The following PSMD9 variants were observed in gnomAD, a reference collection of about 807,000 sequenced individuals.
PSMD9 encodes the protein 26S proteasome non-ATPase regulatory subunit 9.
PSMD9 carries 26 observed loss-of-function variants against 25.9 expected under a neutral mutation model. The ratio of observed to expected loss-of-function variants is 1.00; its 90% CI spans 0.73 to 1.39. The LOEUF (loss-of-function observed/expected upper bound fraction) is 1.39. Ranked by LOEUF, PSMD9 falls within the 40% of genes most tolerant of loss-of-function variation. The pLI, the probability that PSMD9 is intolerant of heterozygous loss-of-function variation, is 0.00. For missense variants in PSMD9, 303 were observed against 299.3 expected (o/e 1.01, Z -0.09); for synonymous variants, 110 against 114.5 (o/e 0.96, Z 0.25).
chr12:121,892,605 G>A (rs536561779), intron 1 of PSMD9, among the ~76,000 whole-genome samples: 1 of 152,226 alleles, frequency 6.6e-6, no homozygotes, highest in South Asian at 2.1e-4. Flanking sequence ...GGAGGCTGAG[G>A]CAGGAGAAGG....
At chr12:121,900,119 G>A (rs1292183263) in intron 3 of PSMD9, among the ~76,000 whole-genome samples, 1 of 152,178 alleles carries the variant, frequency 6.6e-6, no homozygotes, top group Admixed American at 6.6e-5. Context: ...GAGAGGGAGA[G>A]GATCTCTTCT....
At chr12:121,894,447 G>C in intron 1 of PSMD9, 1 of 314,550 alleles carries the variant, frequency 3.2e-6, no homozygotes. Context: ...GAAGAGGCTG[G>C]CCTTGGGGAT....
rs999526702 is a variant in PSMD9 at position 121,913,243 on chromosome 12, CT to C, written c.556-2604del. On this transcript the variant is annotated intron_variant, in intron 4 of 5. Coordinates refer to ENST00000541212, the MANE Select transcript of PSMD9 (RefSeq NM_002813.7). ...ACAGGCGTGAGCCACCGCGCCTGGC[CT>C]TTTTTTTTGTATTTTTAGTAGAGAC... Among the ~76,000 whole-genome samples, 150 of 150,098 alleles carry C rather than the reference CT, an allele frequency of 1.0e-3. 2 individuals carry two copies. Among genetic ancestry groups the C allele is most frequent in the African/African-American group, 3.4e-3 (140 of 40,944 alleles).
chr12:121,904,830 G>A (rs188104129), intron 4 of PSMD9, among the ~76,000 whole-genome samples: 3,218 of 150,618 alleles, frequency 0.021, 181 homozygotes, highest in African/African-American at 0.076. Flanking sequence ...GCTAATTTTT[G>A]TATTTTTAGT....
At chr12:121,896,486 G>C (rs752183662) in intron 2 of PSMD9, among the ~76,000 whole-genome samples, 1 of 150,910 alleles carries the variant, frequency 6.6e-6, no homozygotes, top group Non-Finnish European at 1.5e-5. Context: ...AAAAAAGAAA[G>C]AAAATCTATT....
intron 1 of PSMD9, 131 bp downstream of exon 1, chr12:121,889,125 T>G: frequency 8.5e-7 from 1 of 1,169,658 alleles, no homozygotes; most frequent in South Asian, 1.6e-5. Flanking sequence ...GCGCCGCAAG[T>G]GCGGCCTCTG....
In PSMD9 at chr12:121,888,936, T is replaced by C. The variant is rs1878971514; in HGVS notation, c.80T>C (p.Met27Thr). 1.3e-6 allele frequency: 2 copies of C among 1,594,178 alleles called. No homozygotes were observed. Among genetic ancestry groups the C allele is most frequent in the Admixed American group, 1.8e-5 (1 of 55,788 alleles). Reference protein sequence around the residue: ...VVTVSDVQELMRRKEEIEAQI... With the variant: ...VVTVSDVQELTRRKEEIEAQI... ...ACTGTCAGCGACGTCCAGGAGCTGA[T>C]GCGGCGCAAGGAGGAGATAGAAGCG... Residue 27 changes from methionine to threonine, a missense_variant, in exon 1 of 6, where the codon ATG becomes ACG. Coordinates refer to ENST00000541212, the MANE Select transcript of PSMD9 (RefSeq NM_002813.7).
At chr12:121,910,580 G>A (rs1289510781) in intron 4 of PSMD9, among the ~76,000 whole-genome samples, 2 of 151,618 alleles carry the variant, frequency 1.3e-5, no homozygotes, top group Non-Finnish European at 2.9e-5. Flanking sequence ...TGCCAGCGTG[G>A]TGAAACCCTA....
chr12:121,909,344 C>T (rs567829641), intron 4 of PSMD9, among the ~76,000 whole-genome samples: 3 of 150,224 alleles, frequency 2.0e-5, no homozygotes, highest in African/African-American at 5.0e-5. Flanking sequence ...CAGGGTCTCT[C>T]GCTCTGCTGC....
intron 4 of PSMD9, among the ~76,000 whole-genome samples, chr12:121,903,778 A>G (rs1402117690): frequency 3.7e-5 from 5 of 136,588 alleles, no homozygotes; most frequent in African/African-American, 1.4e-4. Context: ...TTTTTAAGAC[A>G]GGGTCATGCT....
At chr12:121,897,599 C>T (rs1372387675) in intron 2 of PSMD9, 1 of 149,712 alleles carries the variant, frequency 6.7e-6, no homozygotes, top group East Asian at 2.0e-4. Context: ...GGGATTTCAC[C>T]ATGTTGGCCA....
chr12:121,902,870 T>C, intron 3 of PSMD9, 136 bp from the exon 4 acceptor site: 1 of 682,210 alleles, frequency 1.5e-6, no homozygotes, highest in Non-Finnish European at 2.6e-6. Flanking sequence ...TCTACATCCC[T>C]GACCTCTTTG....
intron 3 of PSMD9, among the ~76,000 whole-genome samples, chr12:121,900,985 T>TAA (rs749082407): frequency 4.1e-4 from 37 of 89,456 alleles, no homozygotes; most frequent in African/African-American, 1.2e-3. Context: ...AGACTCTGTC[T>TAA]AAAAAAAAAA....
chr12:121,898,366 T>A (rs1879292567), intron 2 of PSMD9: 1 of 152,296 alleles, frequency 6.6e-6, no homozygotes, highest in Non-Finnish European at 1.5e-5. Context: ...GAATTTCACT[T>A]CAAAGATCCC....
chr12:121,893,401 TCC>T (rs1224739622), intron 1 of PSMD9, among the ~76,000 whole-genome samples: 1 of 152,222 alleles, frequency 6.6e-6, no homozygotes, highest in Non-Finnish European at 1.5e-5. Flanking sequence ...TGGCAGCTTG[TCC>T]CTGGACTGAC....
intron 3 of PSMD9, among the ~76,000 whole-genome samples, chr12:121,901,463 C>T (rs955804534): frequency 2.6e-5 from 4 of 152,066 alleles, no homozygotes; most frequent in African/African-American, 7.2e-5. Context: ...ATCCTCCTGT[C>T]TCAGCCTCCC....
Position 121,891,372 on chromosome 12 carries a change from G to A in PSMD9, c.138+2378G>A, listed in dbSNP as rs575498439. Reference sequence around the variant, plus strand: ...TCCCAGCACTTTGGGAGGCCGAGGCGGGCGGATCACGAGGTCAGGAGATCG... The same window carrying A: ...TCCCAGCACTTTGGGAGGCCGAGGCAGGCGGATCACGAGGTCAGGAGATCG... On this transcript the variant is annotated intron_variant, in intron 1 of 5. Transcript: ENST00000541212. 8.7e-5 allele frequency among the ~76,000 whole-genome samples: 13 copies of A among 149,122 alleles called. No homozygotes were observed. The East Asian group carries it at 1.4e-3, about 16-fold the overall frequency.
rs79203250 is a variant in PSMD9 at position 121,894,750 on chromosome 12, T to G, written c.150T>G (p.Ile50Met). The change falls in exon 2 of 6, where the codon ATT becomes ATG. Residue 50 changes from isoleucine to methionine, a missense_variant. Ile to Met is a conservative substitution (Grantham distance 10). Transcript: ENST00000541212. ...TTTCTTTCCTCCAGCAAAAAGGCATTGGGATGAACGAGCCGCTGGTGGACT... is the reference window on the plus strand; with the variant it reads ...TTTCTTTCCTCCAGCAAAAAGGCATGGGGATGAACGAGCCGCTGGTGGACT... ...NYDVLESQKG[I>M]GMNEPLVDCE... 1 of 1,613,914 alleles carries G rather than the reference T, an allele frequency of 6.2e-7. No homozygotes were observed. Among genetic ancestry groups the G allele is most frequent in the Non-Finnish European group, 8.5e-7 (1 of 1,179,970 alleles).
Position 121,899,892 on chromosome 12 carries a change from G to C in PSMD9, c.453+47G>C, listed in dbSNP as rs540404280. 1.9e-6 allele frequency: 3 copies of C among 1,603,354 alleles called. No individual in the cohort carries two copies. The African/African-American group carries it at 4.0e-5, about 21-fold the overall frequency. Reference sequence around the variant, plus strand: ...CAAGTCCATGCCCAGGGGACACGGTGGGTCAGGTAGCCTTCGGGGATGTGG... The same window carrying C: ...CAAGTCCATGCCCAGGGGACACGGTCGGTCAGGTAGCCTTCGGGGATGTGG... On this transcript the variant is annotated intron_variant, in intron 3 of 5. Coordinates refer to ENST00000541212, the MANE Select transcript of PSMD9 (RefSeq NM_002813.7).
Sources: gnomAD v4.1 joint callset for allele counts (sites outside exome capture counted in the v4.1 genomes callset) on GRCh38, gnomAD v4.1.1 for gene constraint, MANE v1.5 for transcripts, NCBI Gene and HGNC (gene_info 2026-07-23, HGNC 2026-07-21) for gene names.